RAB31: variants seen among roughly 807,000 people sequenced by gnomAD.
The protein encoded by RAB31 is ras-related protein Rab-31.
In RAB31, 21 loss-of-function variants were observed where a neutral mutation model predicts 25.6. That is an observed-to-expected ratio of 0.82 (90% CI 0.58 to 1.18). The LOEUF is 1.18. Ranked by LOEUF, RAB31 falls within the 50% of genes most tolerant of loss-of-function variation. The probability of loss-of-function intolerance (pLI) is 0.00; values close to 1 mark genes in which losing one functional copy is unlikely to be tolerated. For missense variants in RAB31, 196 were observed against 250.1 expected (o/e 0.78, Z 1.46); for synonymous variants, 87 against 84.0 (o/e 1.04, Z -0.20).
At chr18:9,827,296 T>A (rs2267559) in intron 5 of RAB31, among the ~76,000 whole-genome samples, 5 of 151,958 alleles carry the variant, frequency 3.3e-5, no homozygotes, top group Non-Finnish European at 7.4e-5. Context: ...GATCAGGAAG[T>A]GCCGATGGGA....
At chr18:9,734,167 A>G (rs889045717) in intron 1 of RAB31, among the ~76,000 whole-genome samples, 86 of 151,988 alleles carry the variant, frequency 5.7e-4, no homozygotes, top group African/African-American at 2.0e-3. Context: ...CCTCAGGTAC[A>G]TAAGAGCTAG....
chr18:9,824,223 T>C (rs1568188732), intron 5 of RAB31, among the ~76,000 whole-genome samples: 1 of 151,926 alleles, frequency 6.6e-6, no homozygotes, highest in Non-Finnish European at 1.5e-5. Context: ...TGTATGTGTG[T>C]GTGTATGTGT....
At chr18:9,790,356 G>T (rs2068453729) in intron 2 of RAB31, among the ~76,000 whole-genome samples, 1 of 151,808 alleles carries the variant, frequency 6.6e-6, no homozygotes, top group Non-Finnish European at 1.5e-5. Context: ...CTTCTGAGCT[G>T]CCAGAACTAC....
Position 9,860,164 on chromosome 18 carries a change from A to C in RAB31, c.*839A>C, listed in dbSNP as rs2143162187. 1 of 152,346 alleles carries C rather than the reference A, an allele frequency of 6.6e-6. No individual in the cohort carries two copies. Among genetic ancestry groups the C allele is most frequent in the Middle Eastern group, 3.4e-3 (1 of 294 alleles). The allele number at this position is 152,346 out of a possible 1,614,324, so 9.4% of individuals were successfully genotyped here. A position where few individuals can be genotyped will look rare whatever the true frequency, so the allele number is the denominator to read the frequency against. ...GTCCTCTCTTAGAGAAGTTTAACGC[A>C]CATAGTATTATTTTACTAAGAGAAT... On this transcript the variant is annotated 3_prime_UTR_variant, in exon 7 of 7. Coordinates refer to ENST00000578921, the MANE Select transcript of RAB31 (RefSeq NM_006868.4).
At chr18:9,760,882 T>G (rs1305808918) in intron 1 of RAB31, among the ~76,000 whole-genome samples, 1 of 152,340 alleles carries the variant, frequency 6.6e-6, no homozygotes. Context: ...TCTACTGAGA[T>G]GAAAAGGCAC....
At chr18:9,764,214 G>C (rs2068302850) in intron 1 of RAB31, among the ~76,000 whole-genome samples, 1 of 152,194 alleles carries the variant, frequency 6.6e-6, no homozygotes, top group Non-Finnish European at 1.5e-5. Context: ...TTCGGTCACT[G>C]TCACCCTAAC....
intron 1 of RAB31, among the ~76,000 whole-genome samples, chr18:9,742,228 G>A (rs562397150): frequency 2.0e-5 from 3 of 152,294 alleles, no homozygotes; most frequent in East Asian, 1.9e-4. Context: ...ATATTGCAGC[G>A]CAGAGTTGGT....
chr18:9,760,444 A>T (rs966197997), intron 1 of RAB31, among the ~76,000 whole-genome samples: 2 of 152,202 alleles, frequency 1.3e-5, no homozygotes, highest in African/African-American at 4.8e-5. Context: ...AAGTGCTGGG[A>T]TTACAGACCT....
chr18:9,750,131 A>C (rs1473685874), intron 1 of RAB31, among the ~76,000 whole-genome samples: 1 of 151,598 alleles, frequency 6.6e-6, no homozygotes, highest in Non-Finnish European at 1.5e-5. Context: ...GGGCAGCGAG[A>C]TGGTTGTCTA....
chr18:9,836,195 G>A (rs116613974), intron 5 of RAB31, among the ~76,000 whole-genome samples: 1 of 151,926 alleles, frequency 6.6e-6, no homozygotes, highest in African/African-American at 2.4e-5. Context: ...GCTGTGGCTC[G>A]GGGAGAGAGT....
intron 5 of RAB31, among the ~76,000 whole-genome samples, chr18:9,839,207 A>G (rs1267632087): frequency 6.6e-6 from 1 of 152,134 alleles, no homozygotes; most frequent in Admixed American, 6.5e-5. Flanking sequence ...TGAGCTCTCT[A>G]GGAGGCCGTG....
intron 6 of RAB31, among the ~76,000 whole-genome samples, chr18:9,854,757 TC>T (rs2143152246): frequency 6.6e-6 from 1 of 152,148 alleles, no homozygotes; most frequent in East Asian, 1.9e-4. Flanking sequence ...AGGGCGATGT[TC>T]CATGATCGTG....
chr18:9,779,145 C>T (rs908837947), intron 2 of RAB31, among the ~76,000 whole-genome samples: 5 of 152,094 alleles, frequency 3.3e-5, no homozygotes, highest in South Asian at 2.1e-4. Context: ...CAAGGGTCAA[C>T]GGTCTATGGA....
At position 9,862,263 on chromosome 18, in the gene RAB31, G is replaced by T. The variant is rs956237620; in HGVS notation, c.*2938G>T. ...AAGAGCTCTGAACTGTATTCAGACC[G>T]ACTGGGTATCTAGCTTACTGTTTTA... On this transcript the variant is annotated 3_prime_UTR_variant, in exon 7 of 7. Coordinates refer to ENST00000578921, the MANE Select transcript of RAB31 (RefSeq NM_006868.4). 1 of 152,224 alleles carries T rather than the reference G, an allele frequency of 6.6e-6. No homozygotes were observed. The highest frequency in any genetic ancestry group is 1.9e-4 in the East Asian group (1 of 5,204). 9.4% of individuals were successfully genotyped at this position (152,224 alleles called of 1,614,324 possible). A position where few individuals can be genotyped will look rare whatever the true frequency, so the allele number is the denominator to read the frequency against.
intron 6 of RAB31, among the ~76,000 whole-genome samples, chr18:9,857,690 A>AGATAGAT (rs1568198155): frequency 1.9e-3 from 167 of 86,596 alleles, no homozygotes; most frequent in East Asian, 3.2e-3. Context: ...GATAGATGAT[A>AGATAGAT]GATAGATAGA....
chr18:9,806,138 G>C (rs576542555), intron 3 of RAB31, among the ~76,000 whole-genome samples: 56 of 150,004 alleles, frequency 3.7e-4, no homozygotes, highest in Admixed American at 1.1e-3. Flanking sequence ...GATGGCGCCA[G>C]TGCACTCCAG....
At chr18:9,815,035 T>G in intron 4 of RAB31, 81 bp from the exon 5 acceptor site, 1 of 1,010,334 alleles carries the variant, frequency 9.9e-7, no homozygotes, top group Non-Finnish European at 1.5e-6. Flanking sequence ...TCCATTAAAT[T>G]GTACTGGGCT....
At chr18:9,710,283 G>C (rs998697318) in intron 1 of RAB31, among the ~76,000 whole-genome samples, 3 of 152,140 alleles carry the variant, frequency 2.0e-5, no homozygotes, top group Non-Finnish European at 4.4e-5. Context: ...CCCCCTTTAG[G>C]CAGAGGACTA....
chr18:9,841,701 C>A (rs1454984085), intron 5 of RAB31, among the ~76,000 whole-genome samples: 1 of 152,002 alleles, frequency 6.6e-6, no homozygotes, highest in African/African-American at 2.4e-5. Context: ...GGAACAGTAG[C>A]CTGCTAGTCG....
Sources: allele counts gnomAD v4.1 joint callset (sites outside exome capture counted in the v4.1 genomes callset), GRCh38; gene constraint gnomAD v4.1.1; transcripts MANE v1.5; gene names NCBI Gene and HGNC (gene_info 2026-07-23, HGNC 2026-07-21).